BAK1: variants seen among roughly 807,000 people sequenced by gnomAD.
The protein encoded by BAK1 is bcl-2 homologous antagonist/killer.
In BAK1, 19 loss-of-function variants were observed where a neutral mutation model predicts 24.7. The observed-to-expected ratio is 0.77, with a 90% CI of 0.54 to 1.13. BAK1 has a LOEUF of 1.13. Among genes scored for constraint, BAK1 ranks in the 50% most tolerant of loss-of-function variants. The pLI, the probability that BAK1 is intolerant of heterozygous loss-of-function variation, is 0.00. For missense variants in BAK1, 194 were observed against 279.4 expected (o/e 0.69, Z 2.18); for synonymous variants, 86 against 107.3 (o/e 0.80, Z 1.23).
chr6:33,573,506 A>G lies in BAK1; in HGVS notation c.*297T>C, dbSNP rs1762795028. ...GTGGCTCCCAGTCTCTTGCCTCCCC[A>G]AGTTATCAGTCTCCCCAGCGCCTAG... On this transcript the variant is annotated 3_prime_UTR_variant, in exon 6 of 6. Transcript: ENST00000374467. 2 of 403,622 alleles carry G rather than the reference A, an allele frequency of 5.0e-6. No individual in the cohort carries two copies. The highest frequency in any genetic ancestry group is 2.0e-5 in the African/African-American group (1 of 50,716). The allele number at this position is 403,622 out of a possible 1,614,324, so 25.0% of individuals were successfully genotyped here.
chr6:33,574,372 C>T, intron 4 of BAK1, 158 bp from the exon 5 acceptor site: 1 of 1,444,758 alleles, frequency 6.9e-7, no homozygotes, highest in Non-Finnish European at 9.5e-7. Flanking sequence ...TTGGGAACAA[C>T]CTGGGTCTCT....
In BAK1 at chr6:33,578,763, C is replaced by G. The variant is rs5745581; in HGVS notation, c.-31-1128G>C. Among the ~76,000 whole-genome samples, 1 of 152,108 alleles carries G rather than the reference C, an allele frequency of 6.6e-6. No individual in the cohort carries two copies. Among genetic ancestry groups the G allele is most frequent in the Non-Finnish European group, 1.5e-5 (1 of 68,010 alleles). ...TCAGCTGTTTCACTTTCAGTTTGCACCCCTCCCAGAGCCCCATTTCCCCAG... is the reference window on the plus strand; with the variant it reads ...TCAGCTGTTTCACTTTCAGTTTGCAGCCCTCCCAGAGCCCCATTTCCCCAG... On this transcript the variant is annotated intron_variant, in intron 1 of 5. Transcript: ENST00000374467. This position sits in a 1 kb window ranked among gnomAD's most constrained non-coding sequence, Gnocchi z 4.8.
Position 33,577,675 on chromosome 6 carries a change from C to A in BAK1, c.-31-40G>T. ...GAGAAAAAGCAGAGATGGGGGTGAG[C>A]ACAGACCTGTGACTGGGGACCCCAT... On this transcript the variant is annotated intron_variant, in intron 1 of 5. Coordinates refer to ENST00000374467, the MANE Select transcript of BAK1 (RefSeq NM_001188.4). This position sits in a 1 kb window ranked among gnomAD's most constrained non-coding sequence, Gnocchi z 4.6. The A allele has an allele frequency of 1.4e-6, 2 of 1,380,442 alleles. No individual in the cohort carries two copies. Among genetic ancestry groups the A allele is most frequent in the South Asian group, 1.3e-5 (1 of 74,782 alleles). The allele number at this position is 1,380,442 out of a possible 1,614,324, so 85.5% of individuals were successfully genotyped here.
Position 33,575,073 on chromosome 6 carries a change from T to C in BAK1, c.350+225A>G, listed in dbSNP as rs1762820518. 3.1e-6 allele frequency: 2 copies of C among 650,732 alleles called. No individual in the cohort carries two copies. Among genetic ancestry groups the C allele is most frequent in the East Asian group, 3.0e-5 (1 of 33,604 alleles). 40.3% of individuals were successfully genotyped at this position (650,732 alleles called of 1,614,324 possible). On this transcript the variant is annotated intron_variant, in intron 4 of 5. Coordinates refer to ENST00000374467, the MANE Select transcript of BAK1 (RefSeq NM_001188.4). The surrounding 1 kb of genome is among the most constrained non-coding windows in gnomAD (Gnocchi z 6.3). ...AGTCCTGATCTAACCAGTCAAGACC[T>C]TGGAGTCAGAGCTCAAAAGAGCTGT... is the stretch of plus-strand genomic sequence containing the variant.
At chr6:33,576,368 T>C (rs551218246) in intron 2 of BAK1, among the ~76,000 whole-genome samples, 107 of 136,844 alleles carry the variant, frequency 7.8e-4, no homozygotes, top group South Asian at 6.5e-3. Flanking sequence ...TGGTGGCTCA[T>C]GCCTGTAATC....
chr6:33,575,832 G>A lies in BAK1; in HGVS notation c.167C>T (p.Ala56Val). The change falls in exon 3 of 6, where the codon GCC becomes GTC. Residue 56 changes from alanine (A) to valine (V), a missense_variant. By Grantham distance (64) the Ala-to-Val change is moderately conservative (BLOSUM62 0). Transcript: ENST00000374467. The surrounding 1 kb of genome is among the most constrained non-coding windows in gnomAD (Gnocchi z 6.3). ...AGGTAAGGTGACCATCTCTGGGTCG[G>A]CAGGGGCAGCCACCCCTTCAGCCTC... ...EQEAEGVAAP[A>V]DPEMVTLPLQ... The A allele has an allele frequency of 6.2e-7, 1 of 1,613,684 alleles. No homozygotes were observed. Among genetic ancestry groups the A allele is most frequent in the South Asian group, 1.1e-5 (1 of 91,046 alleles).
intron 4 of BAK1, among the ~76,000 whole-genome samples, chr6:33,574,940 A>T (rs1349228147): frequency 2.0e-5 from 3 of 152,186 alleles, no homozygotes; most frequent in Non-Finnish European, 4.4e-5. Flanking sequence ...TAGCACCCTC[A>T]CCATCTTCAG....
In BAK1 at chr6:33,575,161, A is replaced by T; in HGVS notation, c.350+137T>A. The T allele has an allele frequency of 7.4e-7, 1 of 1,349,478 alleles. No homozygotes were observed. The highest frequency in any genetic ancestry group is 1.1e-6 in the Non-Finnish European group (1 of 948,374). The allele number at this position is 1,349,478 out of a possible 1,614,324, so 83.6% of individuals were successfully genotyped here. ...GAGAAAAATAGGGGGCCGAGACCAC[A>T]TGTGAGTTCACAGCAGACATTGGAC... On this transcript the variant is annotated intron_variant, in intron 4 of 5. Transcript: ENST00000374467. This position sits in a 1 kb window ranked among gnomAD's most constrained non-coding sequence, Gnocchi z 6.3.
At position 33,573,683 on chromosome 6, in the gene BAK1, C is replaced by G. The variant is rs1762797569; in HGVS notation, c.*120G>C. 6.1e-6 allele frequency: 5 copies of G among 816,252 alleles called. No homozygotes were observed. The highest frequency in any genetic ancestry group is 7.9e-6 in the Non-Finnish European group (4 of 506,958). The allele number at this position is 816,252 out of a possible 1,614,324, so 50.6% of individuals were successfully genotyped here. A position where few individuals can be genotyped will look rare whatever the true frequency, so the allele number is the denominator to read the frequency against. On this transcript the variant is annotated 3_prime_UTR_variant, in exon 6 of 6. Transcript: ENST00000374467. Reference sequence around the variant, plus strand: ...AGGGGCCCTCCGAAGCTGGAGTGCACACTTGCTAAAGCTTCTGTACTCTTG... The same window carrying G: ...AGGGGCCCTCCGAAGCTGGAGTGCAGACTTGCTAAAGCTTCTGTACTCTTG...
rs912371838 is a variant in BAK1, at chr6:33,576,066, C to G, written c.71-138G>C. The G allele has an allele frequency of 5.3e-6, 7 of 1,320,076 alleles. No homozygotes were observed. In the African/African-American group the frequency reaches 5.9e-5, roughly 11 times the overall value. The allele number at this position is 1,320,076 out of a possible 1,614,324, so 81.8% of individuals were successfully genotyped here. On this transcript the variant is annotated intron_variant, in intron 2 of 5. Coordinates refer to ENST00000374467, the MANE Select transcript of BAK1 (RefSeq NM_001188.4). The stretch of plus-strand genomic sequence containing the variant: ...TATCCCAACCAGGTGCGGTGGCTCA[C>G]GCCTATAATCCCAGCACTTTGGGAG...
rs568816806 is a variant in BAK1 at position 33,577,781 on chromosome 6, G to A, written c.-31-146C>T. ...AGTCCTCTGGGACTTTGGCCAGGCC[G>A]GTCTCAAACTCCTGACCTCGTGAGT... On this transcript the variant is annotated intron_variant, in intron 1 of 5. Transcript: ENST00000374467. The surrounding 1 kb of genome is among the most constrained non-coding windows in gnomAD (Gnocchi z 4.6). The A allele has an allele frequency of 6.0e-5, 34 of 565,170 alleles. 1 individual carries two copies. The Middle Eastern group carries it at 3.8e-3, about 64-fold the overall frequency. The allele number at this position is 565,170 out of a possible 1,614,324, so 35.0% of individuals were successfully genotyped here. A position where few individuals can be genotyped will look rare whatever the true frequency, so the allele number is the denominator to read the frequency against.
chr6:33,579,394 C>T (rs144443674), intron 1 of BAK1, among the ~76,000 whole-genome samples: 229 of 152,240 alleles, frequency 1.5e-3, no homozygotes, highest in Middle Eastern at 6.8e-3. Flanking sequence ...CCCGTAGCTC[C>T]TTACATAAGA....
chr6:33,574,290 C>G (rs1326454665), intron 4 of BAK1, 76 bp from the exon 5 acceptor site: 6 of 1,545,942 alleles, frequency 3.9e-6, no homozygotes. Flanking sequence ...TCTCCCACCC[C>G]TCTCCCAGCT....
rs1027257190 is a variant in BAK1 at position 33,575,499 on chromosome 6, T to C, written c.207-58A>G. The C allele has an allele frequency of 1.8e-5, 29 of 1,608,716 alleles. No homozygotes were observed. Among genetic ancestry groups the C allele is most frequent in the Middle Eastern group, 2.2e-4 (1 of 4,490 alleles). ...TAACCAGGCAGTCGGGACCAGGCCCTGGCTCATGGCAGAGGGGTTCTGCCT... is the reference window on the plus strand; with the variant it reads ...TAACCAGGCAGTCGGGACCAGGCCCCGGCTCATGGCAGAGGGGTTCTGCCT... On this transcript the variant is annotated intron_variant, in intron 3 of 5. Coordinates refer to ENST00000374467, the MANE Select transcript of BAK1 (RefSeq NM_001188.4). The surrounding 1 kb of genome is among the most constrained non-coding windows in gnomAD (Gnocchi z 6.3).
chr6:33,577,801 G>A lies in BAK1; in HGVS notation c.-31-166C>T, dbSNP rs539692166. 2.0e-5 allele frequency among the ~76,000 whole-genome samples: 3 copies of A among 152,298 alleles called. No individual in the cohort carries two copies. The highest frequency in any genetic ancestry group is 1.9e-4 in the East Asian group (1 of 5,174). On this transcript the variant is annotated intron_variant, in intron 1 of 5. Coordinates refer to ENST00000374467, the MANE Select transcript of BAK1 (RefSeq NM_001188.4). This position sits in a 1 kb window ranked among gnomAD's most constrained non-coding sequence, Gnocchi z 4.6. ...AGGCCGGTCTCAAACTCCTGACCTC[G>A]TGAGTCTGCCTCGGCCATCCACAGT...
At chr6:33,573,937 A>G in intron 5 of BAK1, 30 bp from the exon 6 acceptor site, 1 of 1,614,084 alleles carries the variant, frequency 6.2e-7, no homozygotes, top group Non-Finnish European at 8.5e-7. Flanking sequence ...GGTCACAGAG[A>G]GGCTAGCAGA....
At position 33,578,275 on chromosome 6, in the gene BAK1, T is replaced by G. The variant is rs1035246101; in HGVS notation, c.-31-640A>C. ...GAGAGCCTAAGATATACTCTCCCAC[T>G]TAGGAGCACTCTGTGGGTGGTGAAC... is the stretch of plus-strand genomic sequence containing the variant. On this transcript the variant is annotated intron_variant, in intron 1 of 5. Coordinates refer to ENST00000374467, the MANE Select transcript of BAK1 (RefSeq NM_001188.4). This position sits in a 1 kb window ranked among gnomAD's most constrained non-coding sequence, Gnocchi z 4.8. Among the ~76,000 whole-genome samples, 1 of 152,110 alleles carries G rather than the reference T, an allele frequency of 6.6e-6. No individual in the cohort carries two copies. Among genetic ancestry groups the G allele is most frequent in the East Asian group, 1.9e-4 (1 of 5,198 alleles).
Position 33,572,854 on chromosome 6 carries a change from T to G in BAK1, c.*949A>C, listed in dbSNP as rs1762785653. 1 of 151,646 alleles carries G rather than the reference T, an allele frequency of 6.6e-6. No individual in the cohort carries two copies. 9.4% of individuals were successfully genotyped at this position (151,646 alleles called of 1,614,324 possible). On this transcript the variant is annotated 3_prime_UTR_variant, in exon 6 of 6. Coordinates refer to ENST00000374467, the MANE Select transcript of BAK1 (RefSeq NM_001188.4). ...ATCCCACCTCTGGGATTCCTAGTGG[T>G]GTTGATAGTCCTTCTCCCACTTAGA...
chr6:33,574,647 A>G, intron 4 of BAK1: 1 of 806,356 alleles, frequency 1.2e-6, no homozygotes, highest in South Asian at 1.4e-5. Context: ...TCTGAGCACT[A>G]ATTCTAAAAT....
Sources: gnomAD v4.1 joint callset for allele counts (sites outside exome capture counted in the v4.1 genomes callset) on GRCh38, gnomAD v4.1.1 for gene constraint, Gnocchi (gnomAD v3.1) non-coding constraint, MANE v1.5 for transcripts, NCBI Gene and HGNC (gene_info 2026-07-23, HGNC 2026-07-21) for gene names.